Variants in GRK5 observed in about 807,000 individuals in gnomAD.
GRK5 encodes the protein g protein-coupled receptor kinase GRK5.
Under a neutral mutation model 78.4 loss-of-function variants are expected in GRK5, and 40 were observed. The ratio of observed to expected loss-of-function variants is 0.51; its 90% CI spans 0.40 to 0.66. The LOEUF is 0.66. GRK5 is among the 30% of genes least tolerant of loss of function. GRK5 has a pLI of 0.00. For missense variants in GRK5, 598 were observed against 759.9 expected (o/e 0.79, Z 2.50); for synonymous variants, 289 against 296.8 (o/e 0.97, Z 0.27).
intron 3 of GRK5, among the ~76,000 whole-genome samples, chr10:119,386,053 T>C (rs1851789017): frequency 6.6e-6 from 1 of 152,050 alleles, no homozygotes; most frequent in Admixed American, 6.5e-5. Context: ...CCCAGCTAAT[T>C]TTTGTATTCT....
intron 1 of GRK5, among the ~76,000 whole-genome samples, chr10:119,273,550 C>T (rs942160580): frequency 1.3e-5 from 2 of 152,220 alleles, no homozygotes; most frequent in African/African-American, 4.8e-5. Flanking sequence ...TCCCAAGGTG[C>T]TGAGACATTT....
chr10:119,253,548 G>A lies in GRK5; in HGVS notation c.52+45579G>A, dbSNP rs184218746. On this transcript the variant is annotated intron_variant, in intron 1 of 15. Coordinates refer to ENST00000392870, the MANE Select transcript of GRK5 (RefSeq NM_005308.3). This position sits in a 1 kb window ranked among gnomAD's most constrained non-coding sequence, Gnocchi z 5.7. ...GCTTAGGGTGCTGTGATATGCTTGC[G>A]GGATGCTGCCCCACCACGGCTGGAA... Among the ~76,000 whole-genome samples the A allele has an allele frequency of 6.6e-6, 1 of 152,180 alleles. No individual in the cohort carries two copies. The highest frequency in any genetic ancestry group is 2.1e-4 in the South Asian group (1 of 4,830).
At chr10:119,390,757 G>C (rs1276787193) in intron 3 of GRK5, among the ~76,000 whole-genome samples, 1 of 152,162 alleles carries the variant, frequency 6.6e-6, no homozygotes, top group Non-Finnish European at 1.5e-5. Context: ...CCCGAGAACA[G>C]TACCAGAAAG....
intron 2 of GRK5, among the ~76,000 whole-genome samples, chr10:119,368,853 A>G (rs1851496686): frequency 6.6e-6 from 1 of 152,152 alleles, no homozygotes; most frequent in Non-Finnish European, 1.5e-5. Context: ...GTTGCCTTGG[A>G]CAGAAGCCAC....
At chr10:119,383,221 T>C in intron 3 of GRK5, among the ~76,000 whole-genome samples, 1 of 152,220 alleles carries the variant, frequency 6.6e-6, no homozygotes, top group Non-Finnish European at 1.5e-5. Context: ...GCGCCTGGCC[T>C]GGCTCCTTTA....
At position 119,360,647 on chromosome 10, in the gene GRK5, T is replaced by G. The variant is rs1218899245; in HGVS notation, c.149-20168T>G. Among the ~76,000 whole-genome samples the G allele has an allele frequency of 2.6e-5, 4 of 151,920 alleles. No homozygotes were observed. In the East Asian group the frequency reaches 7.7e-4, roughly 29 times the overall value. ...GTGTGAGTGGGAAGAGACTTGTGAG[T>G]GGGAGGAGACTGTGTGAGTGGGAGG... On this transcript the variant is annotated intron_variant, in intron 2 of 15. Transcript: ENST00000392870.
chr10:119,453,158 A>G lies in GRK5; in HGVS notation c.1556A>G (p.Glu519Gly). 2 of 1,547,684 alleles carry G rather than the reference A, an allele frequency of 1.3e-6. No homozygotes were observed. Among genetic ancestry groups the G allele is most frequent in the South Asian group, 1.1e-5 (1 of 89,732 alleles). Residue 519 changes from glutamate to glycine, a missense_variant, in exon 15 of 16, where the codon GAA becomes GGA. Transcript: ENST00000392870. Reference protein sequence around the residue: ...IPWQNEMIETECFKELNVFGP... With the variant: ...IPWQNEMIETGCFKELNVFGP... The stretch of plus-strand genomic sequence containing the variant: ...CGGCCCCTCCAGATGATAGAAACAG[A>G]ATGCTTTAAGGAGCTGAACGTGTTT...
chr10:119,442,419 G>A (rs1853056221), intron 11 of GRK5, among the ~76,000 whole-genome samples: 1 of 152,232 alleles, frequency 6.6e-6, no homozygotes, highest in South Asian at 2.1e-4. Context: ...TCTGGGAGGA[G>A]AGGCCTTTGA....
At chr10:119,311,946 C>T (rs1850367128) in intron 1 of GRK5, among the ~76,000 whole-genome samples, 1 of 135,728 alleles carries the variant, frequency 7.4e-6, no homozygotes, top group African/African-American at 2.7e-5. Flanking sequence ...GACGGAGTCT[C>T]ACTCTGTCGC....
rs1048306264 is a variant in GRK5, at chr10:119,267,523, C to T, written c.53-58993C>T. 6.6e-6 allele frequency among the ~76,000 whole-genome samples: 1 copy of T among 152,198 alleles called. No individual in the cohort carries two copies. The highest frequency in any genetic ancestry group is 1.5e-5 in the Non-Finnish European group (1 of 68,036). On this transcript the variant is annotated intron_variant, in intron 1 of 15. Transcript: ENST00000392870. This position sits in a 1 kb window ranked among gnomAD's most constrained non-coding sequence, Gnocchi z 4.1. ...CGTGGCCAGGCAAGGGATTCCCACC[C>T]TGGGTTGGGCAGCCCTCTCCACAGG...
In GRK5 at chr10:119,435,447, C is replaced by T. The variant is rs1589808988; in HGVS notation, c.739-1204C>T. ...CTTAGAAATTTCTTCTGTGAGATACCCTAAATCATCTCTCTCAAGTTCAAA... is the reference window on the plus strand; with the variant it reads ...CTTAGAAATTTCTTCTGTGAGATACTCTAAATCATCTCTCTCAAGTTCAAA... On this transcript the variant is annotated intron_variant, in intron 8 of 15. Transcript: ENST00000392870. Among the ~76,000 whole-genome samples the T allele has an allele frequency of 1.3e-5, 2 of 152,250 alleles. 1 individual carries two copies. Among genetic ancestry groups the T allele is most frequent in the Middle Eastern group, 6.8e-3 (2 of 294 alleles).
intron 1 of GRK5, among the ~76,000 whole-genome samples, chr10:119,252,706 C>G (rs1398695595): frequency 6.6e-6 from 1 of 152,152 alleles, no homozygotes; most frequent in East Asian, 1.9e-4. Flanking sequence ...ATGTGGCCTT[C>G]CTAAATTTGC....
intron 1 of GRK5, among the ~76,000 whole-genome samples, chr10:119,269,538 A>C (rs1589713307): frequency 6.6e-6 from 1 of 151,914 alleles, no homozygotes; most frequent in East Asian, 1.9e-4. Context: ...TAGGGTCAAG[A>C]CTGATATAAT....
chr10:119,406,000 C>G (rs1852233498), intron 4 of GRK5, among the ~76,000 whole-genome samples: 1 of 152,202 alleles, frequency 6.6e-6, no homozygotes, highest in South Asian at 2.1e-4. Flanking sequence ...GCTAGATACT[C>G]TATTGTCTGC....
intron 2 of GRK5, among the ~76,000 whole-genome samples, chr10:119,355,250 A>G (rs1431049973): frequency 1.3e-5 from 2 of 152,218 alleles, no homozygotes; most frequent in Non-Finnish European, 2.9e-5. Flanking sequence ...TGCCAACAGT[A>G]TATCACAATT....
rs144416151 is a variant in GRK5 at position 119,365,273 on chromosome 10, G to A, written c.149-15542G>A. Reference sequence around the variant, plus strand: ...TTGGCAAGCAGTGGTATTGCATGCTGACAAATTGATTGTGCTCTTTTACTT... The same window carrying A: ...TTGGCAAGCAGTGGTATTGCATGCTAACAAATTGATTGTGCTCTTTTACTT... On this transcript the variant is annotated intron_variant, in intron 2 of 15. Coordinates refer to ENST00000392870, the MANE Select transcript of GRK5 (RefSeq NM_005308.3). 1.9e-3 allele frequency among the ~76,000 whole-genome samples: 293 copies of A among 152,366 alleles called. 1 individual carries two copies. Among genetic ancestry groups the A allele is most frequent in the African/African-American group, 6.9e-3 (286 of 41,596 alleles).
At chr10:119,443,274 G>A (rs1162468255) in intron 11 of GRK5, among the ~76,000 whole-genome samples, 1 of 152,114 alleles carries the variant, frequency 6.6e-6, no homozygotes, top group Non-Finnish European at 1.5e-5. Context: ...TATTGTTACG[G>A]TAGTGAATAA....
rs1027368486 is a variant in GRK5 at position 119,264,612 on chromosome 10, T to C, written c.52+56643T>C. Among the ~76,000 whole-genome samples, 3 of 152,144 alleles carry C rather than the reference T, an allele frequency of 2.0e-5. No homozygotes were observed. The highest frequency in any genetic ancestry group is 4.4e-5 in the Non-Finnish European group (3 of 68,024). ...GGCATGATTCTCATCGGGGCTTGGG[T>C]TTTGTGTACACATCTGAAATTGATC... On this transcript the variant is annotated intron_variant, in intron 1 of 15. Coordinates refer to ENST00000392870, the MANE Select transcript of GRK5 (RefSeq NM_005308.3). This position sits in a 1 kb window ranked among gnomAD's most constrained non-coding sequence, Gnocchi z 4.1.
intron 6 of GRK5, among the ~76,000 whole-genome samples, chr10:119,426,581 A>T (rs1852681006): frequency 6.6e-6 from 1 of 152,192 alleles, no homozygotes; most frequent in African/African-American, 2.4e-5. Context: ...GATAAGCACA[A>T]CACCTGCTGG....
Sources: gnomAD v4.1 joint callset for allele counts (sites outside exome capture counted in the v4.1 genomes callset) on GRCh38, gnomAD v4.1.1 for gene constraint, Gnocchi (gnomAD v3.1) non-coding constraint, MANE v1.5 for transcripts, NCBI Gene and HGNC (gene_info 2026-07-23, HGNC 2026-07-21) for gene names.